Variants in CGREF1 observed in about 807,000 individuals in gnomAD.
CGREF1 encodes the protein cell growth regulator with EF-hand domain 1, also known as cell growth regulator with EF hand domain protein 1.
CGREF1 carries 16 observed loss-of-function variants against 17.4 expected under a neutral mutation model. The ratio of observed to expected loss-of-function variants is 0.92; its 90% confidence interval spans 0.62 to 1.40. The LOEUF (loss-of-function observed/expected upper bound fraction) is 1.40, where lower values mean the gene tolerates loss of function less well. CGREF1 is among the 40% of genes most tolerant of loss of function. The pLI is 0.00. For missense variants in CGREF1, 296 were observed against 376.4 expected (o/e 0.79, Z 1.77); for synonymous variants, 142 against 154.6 (o/e 0.92, Z 0.61).
rs1358366590 is a variant in CGREF1, at chr2:27,118,976, C to T, written c.-142G>A. 1 of 151,872 alleles carries T rather than the reference C, an allele frequency of 6.6e-6. No homozygotes were observed. The highest frequency in any genetic ancestry group is 1.5e-5 in the Non-Finnish European group (1 of 67,792). 9.4% of individuals were successfully genotyped at this position (151,872 alleles called of 1,614,324 possible). A position where few individuals can be genotyped will look rare whatever the true frequency, so the allele number is the denominator to read the frequency against. ...ACGTGGCCGCTCCACGTCGCCCTCC[C>T]GGCTGGAGCCGCCGCCCTGGCCGGG... On this transcript the variant is annotated 5_prime_UTR_variant, in exon 1 of 6. Coordinates refer to ENST00000402394, the MANE Select transcript of CGREF1 (RefSeq NM_006569.6).
chr2:27,102,844 G>T, intron 2 of CGREF1: 1 of 774,118 alleles, frequency 1.3e-6, no homozygotes, highest in Non-Finnish European at 1.6e-6. Context: ...AACTGGTTAG[G>T]TAGAGGCCAG....
chr2:27,106,473 T>C (rs1429061802), intron 1 of CGREF1, among the ~76,000 whole-genome samples: 1 of 152,136 alleles, frequency 6.6e-6, no homozygotes, highest in Non-Finnish European at 1.5e-5. Flanking sequence ...ACAGCTACAC[T>C]CTGAACATGA....
downstream of CGREF1, chr2:27,099,828 C>A (rs1025114322): frequency 3.2e-6 from 5 of 1,565,548 alleles, no homozygotes; most frequent in Admixed American, 1.9e-5. Flanking sequence ...TCCAGCCTGG[C>A]GTCCAGGTTG....
At chr2:27,115,200 A>G (rs1466636438) in intron 1 of CGREF1, among the ~76,000 whole-genome samples, 3 of 152,136 alleles carry the variant, frequency 2.0e-5, no homozygotes, top group African/African-American at 7.2e-5. Context: ...TGTTGTCACT[A>G]TCTTGAAACT....
Position 27,100,663 on chromosome 2 carries a change from A to G in CGREF1, c.*611T>C. The G allele has an allele frequency of 9.4e-7, 1 of 1,067,638 alleles. No homozygotes were observed. Among genetic ancestry groups the G allele is most frequent in the Non-Finnish European group, 1.2e-6 (1 of 824,922 alleles). 66.1% of individuals were successfully genotyped at this position (1,067,638 alleles called of 1,614,324 possible). A position where few individuals can be genotyped will look rare whatever the true frequency, so the allele number is the denominator to read the frequency against. ...TACAGCACTTAACGCAATCTGCCTC[A>G]ATTTCTTCATCTGTCAAATGGAACC... On this transcript the variant is annotated 3_prime_UTR_variant, in exon 6 of 6. Transcript: ENST00000402394.
In CGREF1 at chr2:27,101,949, C is replaced by T. The variant is rs1382756815; in HGVS notation, c.343-61G>A. 6 of 1,585,000 alleles carry T rather than the reference C, an allele frequency of 3.8e-6. No homozygotes were observed. The East Asian group carries it at 9.0e-5, about 24-fold the overall frequency. Reference sequence around the variant, plus strand: ...CAGAGATGTTCCCAGGAGTTCTGACCCTCCCTAACACACCCTTGCATCCCT... The same window carrying T: ...CAGAGATGTTCCCAGGAGTTCTGACTCTCCCTAACACACCCTTGCATCCCT... On this transcript the variant is annotated intron_variant, in intron 5 of 5. Coordinates refer to ENST00000402394, the MANE Select transcript of CGREF1 (RefSeq NM_006569.6).
chr2:27,115,716 A>G (rs1174907032), intron 1 of CGREF1, among the ~76,000 whole-genome samples: 1 of 152,180 alleles, frequency 6.6e-6, no homozygotes, highest in Admixed American at 6.5e-5. Context: ...GCCTTCTACA[A>G]TCAGATATCA....
chr2:27,107,322 T>C (rs1250252414), intron 1 of CGREF1, among the ~76,000 whole-genome samples: 1 of 152,096 alleles, frequency 6.6e-6, no homozygotes, highest in Non-Finnish European at 1.5e-5. Flanking sequence ...TGGTGCAATC[T>C]CAGCTCACTG....
intron 1 of CGREF1, among the ~76,000 whole-genome samples, chr2:27,106,829 G>A (rs146974508): frequency 1.6e-4 from 25 of 152,290 alleles, no homozygotes; most frequent in African/African-American, 5.8e-4. Context: ...TGTTGGCCAA[G>A]CTGGTCTCGA....
downstream of CGREF1, chr2:27,100,198 G>C (rs1440082839): frequency 4.6e-6 from 2 of 434,636 alleles, no homozygotes; most frequent in Non-Finnish European, 8.5e-6. Context: ...AAGAAACCGT[G>C]AGAGCTCTTC....
At chr2:27,107,350 G>C (rs1450733939) in intron 1 of CGREF1, among the ~76,000 whole-genome samples, 2 of 151,940 alleles carry the variant, frequency 1.3e-5, no homozygotes, top group African/African-American at 4.8e-5. Context: ...TGCCTCCCGA[G>C]TTCCAGCAAT....
chr2:27,104,750 G>A (rs1671053891), intron 1 of CGREF1: 2 of 1,498,470 alleles, frequency 1.3e-6, no homozygotes, highest in Non-Finnish European at 1.8e-6. Flanking sequence ...ATGGAAAGGA[G>A]CGCAGAAAGT....
downstream of CGREF1, chr2:27,100,042 TG>T: frequency 1.6e-6 from 1 of 643,080 alleles, no homozygotes; most frequent in Non-Finnish European, 2.7e-6. Context: ...CCTCCCTCTT[TG>T]TGTCCATTCC....
intron 1 of CGREF1, among the ~76,000 whole-genome samples, chr2:27,116,923 C>CTCTCTCTCTCTCTCTCTTT (rs1259106800): frequency 3.8e-5 from 2 of 53,044 alleles, no homozygotes; most frequent in Non-Finnish European, 7.2e-5. Flanking sequence ...CTCTCTCTCT[C>CTCTCTCTCTCTCTCTCTTT]TTTTTTTGAG....
chr2:27,109,385 A>AAG (rs1553347444), intron 1 of CGREF1, among the ~76,000 whole-genome samples: 1 of 151,260 alleles, frequency 6.6e-6, no homozygotes, highest in Non-Finnish European at 1.5e-5. Context: ...AAAAAAAAAA[A>AAG]AGGGTTTGAA....
chr2:27,105,959 C>A (rs1241776107), intron 1 of CGREF1, among the ~76,000 whole-genome samples: 1 of 152,178 alleles, frequency 6.6e-6, no homozygotes, highest in Non-Finnish European at 1.5e-5. Context: ...CCACAGCTGC[C>A]CTAAAGGTAT....
rs1352103941 is a variant in CGREF1 at position 27,104,376 on chromosome 2, A to G, written c.-10T>C. 6.2e-7 allele frequency: 1 copy of G among 1,613,722 alleles called. No homozygotes were observed. Among genetic ancestry groups the G allele is most frequent in the South Asian group, 1.1e-5 (1 of 90,974 alleles). On this transcript the variant is annotated splice_region_variant and 5_prime_UTR_variant, in exon 2 of 6. Transcript: ENST00000402394. ...TCGTCAAAGGTAACATCCTTCCTGG[A>G]ACTGGAACAAGGAAGAGAATCAGGG...
intron 1 of CGREF1, among the ~76,000 whole-genome samples, chr2:27,114,756 C>A (rs1671512161): frequency 6.6e-6 from 1 of 152,064 alleles, no homozygotes; most frequent in Admixed American, 6.6e-5. Flanking sequence ...ATCTTCCCAG[C>A]CCAACAACCA....
At chr2:27,102,738 G>A (rs1461365320) in intron 2 of CGREF1, 147 bp from the exon 3 acceptor site, 4 of 977,910 alleles carry the variant, frequency 4.1e-6, no homozygotes, top group Middle Eastern at 3.2e-4. Context: ...TAGTGGGGAG[G>A]CTCTTCTGGT....
Sources: gnomAD v4.1 joint callset for allele counts (sites outside exome capture counted in the v4.1 genomes callset) on GRCh38, gnomAD v4.1.1 for gene constraint, MANE v1.5 for transcripts, NCBI Gene and HGNC (gene_info 2026-07-23, HGNC 2026-07-21) for gene names.